ANO3: variants seen among roughly 807,000 people sequenced by gnomAD.
The protein encoded by ANO3 is anoctamin-3.
In ANO3, 99 loss-of-function variants were observed where a neutral mutation model predicts 144.8. The observed-to-expected ratio is 0.68, with a 90% CI of 0.58 to 0.81. The LOEUF is 0.81. ANO3 is among the 30% of genes least tolerant of loss of function. The pLI is 0.00. For missense variants in ANO3, 905 were observed against 1,202.2 expected, an observed-to-expected ratio of 0.75 and a Z score of 3.66; for synonymous variants, 414 against 392.6, an observed-to-expected ratio of 1.05 and a Z score of -0.64.
chr11:26,530,739 C>T lies in ANO3; in HGVS notation c.738-466C>T, dbSNP rs559731801. Among the ~76,000 whole-genome samples, 15 of 151,882 alleles carry T rather than the reference C, an allele frequency of 9.9e-5. No individual in the cohort carries two copies. The South Asian group carries it at 2.3e-3, about 23-fold the overall frequency. The stretch of plus-strand genomic sequence containing the variant: ...AAAAAATTAGCTGGACTTGGTGGCT[C>T]GCGCCTATACTCCCAGCTACTTGGG... On this transcript the variant is annotated intron_variant, in intron 7 of 26. Transcript: ENST00000256737.
chr11:26,268,805 C>T (rs190166242), intron 1 of ANO3, among the ~76,000 whole-genome samples: 1 of 152,178 alleles, frequency 6.6e-6, no homozygotes, highest in East Asian at 1.9e-4. Context: ...TCTTAATTGC[C>T]CCACACAACA....
At chr11:26,366,178 T>A (rs541124590) in intron 1 of ANO3, among the ~76,000 whole-genome samples, 1 of 152,028 alleles carries the variant, frequency 6.6e-6, no homozygotes, top group African/African-American at 2.4e-5. Context: ...CGGTGTGTGA[T>A]GTTCCCCCTC....
At chr11:26,620,519 C>G (rs1852384025) in intron 17 of ANO3, among the ~76,000 whole-genome samples, 1 of 151,592 alleles carries the variant, frequency 6.6e-6, no homozygotes, top group African/African-American at 2.4e-5. Flanking sequence ...AACTTTAATT[C>G]CAATTAAAAA....
upstream of ANO3, among the ~76,000 whole-genome samples, chr11:26,306,673 A>G (rs533725116): frequency 7.0e-4 from 106 of 152,248 alleles, no homozygotes; most frequent in South Asian, 1.2e-3. Flanking sequence ...CTAAAAAAAA[A>G]GAAAACATAT....
chr11:26,212,654 C>A (rs1004572956), intron 1 of ANO3, among the ~76,000 whole-genome samples: 3 of 151,892 alleles, frequency 2.0e-5, no homozygotes, highest in African/African-American at 7.3e-5. Context: ...AGCCTACCAA[C>A]CAAAAAAAGC....
intron 1 of ANO3, among the ~76,000 whole-genome samples, chr11:26,259,291 A>G (rs1275294468): frequency 6.6e-6 from 1 of 152,152 alleles, no homozygotes; most frequent in Non-Finnish European, 1.5e-5. Flanking sequence ...GTGTGTATAT[A>G]TCTCTCTCGT....
chr11:26,527,981 A>G (rs1849208426), intron 7 of ANO3, among the ~76,000 whole-genome samples: 1 of 152,024 alleles, frequency 6.6e-6, no homozygotes, highest in Non-Finnish European at 1.5e-5. Flanking sequence ...ATCCAGACTT[A>G]TTTTCAATTT....
chr11:26,434,961 G>C lies in ANO3; in HGVS notation c.47-6957G>C, dbSNP rs143486952. On this transcript the variant is annotated intron_variant, in intron 1 of 26. Transcript: ENST00000256737. ...TCCATTTGGTCCAATGTTGAGTTCA[G>C]GTCCTGAATATCTTTGTTAATTTTC... 9.8e-3 allele frequency among the ~76,000 whole-genome samples: 1,491 copies of C among 152,190 alleles called. 37 individuals carry two copies. The highest frequency in any genetic ancestry group is 0.035 in the African/African-American group (1,455 of 41,526).
At chr11:26,488,940 G>GATTGGTAT (rs1226493035) in intron 4 of ANO3, among the ~76,000 whole-genome samples, 2 of 152,150 alleles carry the variant, frequency 1.3e-5, no homozygotes, top group South Asian at 2.1e-4. Context: ...ATAGAGTGCT[G>GATTGGTAT]ATTGGTATGT....
At chr11:26,408,985 G>T (rs1857363378) in intron 1 of ANO3, among the ~76,000 whole-genome samples, 1 of 151,640 alleles carries the variant, frequency 6.6e-6, no homozygotes, top group Non-Finnish European at 1.5e-5. Flanking sequence ...TGGGGTGGGG[G>T]GAGTGGGGAG....
upstream of ANO3, among the ~76,000 whole-genome samples, chr11:26,306,125 A>ATTTTTTT (rs57674074): frequency 1.6e-3 from 176 of 112,532 alleles, no homozygotes; most frequent in Middle Eastern, 4.5e-3. Context: ...AGCCCGGATA[A>ATTTTTTT]TTTTTTTTTT....
At chr11:26,314,959 C>T (rs1254422592) in intron 1 of ANO3, among the ~76,000 whole-genome samples, 1 of 152,100 alleles carries the variant, frequency 6.6e-6, no homozygotes, top group East Asian at 1.9e-4. Context: ...TTCAGCATTG[C>T]ATAGTTATGT....
rs1853307064 is a variant in ANO3 at position 26,645,228 on chromosome 11, T to G, written c.2428+1894T>G. Among the ~76,000 whole-genome samples, 5 of 152,186 alleles carry G rather than the reference T, an allele frequency of 3.3e-5. No homozygotes were observed. In the South Asian group the frequency reaches 1.0e-3, roughly 31 times the overall value. ...TTGATAAAATTGAGGTCCAGGATTT[T>G]TTTCCCCAATGCTTAATCAATTTTT... On this transcript the variant is annotated intron_variant, in intron 23 of 26. Coordinates refer to ENST00000256737, the MANE Select transcript of ANO3 (RefSeq NM_031418.4).
intron 5 of ANO3, among the ~76,000 whole-genome samples, chr11:26,510,091 G>A (rs1221331722): frequency 1.5e-5 from 2 of 133,326 alleles, no homozygotes; most frequent in Non-Finnish European, 3.0e-5. Context: ...CCGAGATCAT[G>A]CCACTGCACT....
chr11:26,261,677 T>C (rs1055077380), intron 1 of ANO3, among the ~76,000 whole-genome samples: 13 of 152,220 alleles, frequency 8.5e-5, no homozygotes, highest in South Asian at 6.2e-4. Context: ...GCAAACTGTT[T>C]CATTTTAGAT....
chr11:26,365,954 TTATATATATATA>T (rs1158168765), intron 1 of ANO3, among the ~76,000 whole-genome samples: 851 of 54,254 alleles, frequency 0.016, 15 homozygotes, highest in African/African-American at 0.044. Context: ...CATTTTTTCT[TTATATATATATA>T]TATATATATA....
chr11:26,459,646 A>T (rs185260732), intron 3 of ANO3, among the ~76,000 whole-genome samples: 1 of 152,042 alleles, frequency 6.6e-6, no homozygotes, highest in African/African-American at 2.4e-5. Flanking sequence ...GCTCACAAAA[A>T]ATACCTTAGT....
chr11:26,523,289 A>G (rs928545485), intron 6 of ANO3, among the ~76,000 whole-genome samples: 1 of 152,208 alleles, frequency 6.6e-6, no homozygotes, highest in African/African-American at 2.4e-5. Context: ...GCCAAACCGT[A>G]TCATCACTCA....
chr11:26,515,983 T>C (rs1239063626), intron 5 of ANO3, among the ~76,000 whole-genome samples: 2 of 151,904 alleles, frequency 1.3e-5, no homozygotes, highest in East Asian at 3.9e-4. Context: ...AATATGAACA[T>C]GAGTGATGTA....
Sources: gnomAD v4.1 joint callset for allele counts (sites outside exome capture counted in the v4.1 genomes callset) on GRCh38, gnomAD v4.1.1 for gene constraint, MANE v1.5 for transcripts, NCBI Gene and HGNC (gene_info 2026-07-23, HGNC 2026-07-21) for gene names.